Variants in KITLG observed in about 807,000 individuals in gnomAD.
KITLG encodes the protein c-Kit ligand.
Under a neutral mutation model 34.1 loss-of-function variants are expected in KITLG, and 13 were observed. The observed-to-expected ratio is 0.38, with a 90% CI of 0.25 to 0.61. The LOEUF (loss-of-function observed/expected upper bound fraction) is 0.61. Among genes scored for constraint, KITLG ranks in the 20% least tolerant of loss-of-function variants. The pLI, the probability that KITLG is intolerant of heterozygous loss-of-function variation, is 0.60. For synonymous variants in KITLG, 110 were observed against 104.0 expected, an observed-to-expected ratio of 1.06 and a Z score of -0.35; for missense variants, 292 against 318.9, an observed-to-expected ratio of 0.92 and a Z score of 0.64.
chr12:88,555,224 C>T (rs554336377), intron 1 of KITLG, among the ~76,000 whole-genome samples: 6 of 152,090 alleles, frequency 3.9e-5, no homozygotes, highest in Non-Finnish European at 5.9e-5. Flanking sequence ...AATCAGTCCT[C>T]GTTCTACATG....
chr12:88,570,591 G>C (rs574708525), intron 1 of KITLG, among the ~76,000 whole-genome samples: 2 of 151,918 alleles, frequency 1.3e-5, no homozygotes, highest in Non-Finnish European at 2.9e-5. Context: ...ATGCATGCGT[G>C]TCTATATTGG....
intron 1 of KITLG, among the ~76,000 whole-genome samples, chr12:88,559,252 C>T (rs1035566256): frequency 4.6e-5 from 7 of 152,264 alleles, no homozygotes; most frequent in South Asian, 4.1e-4. Flanking sequence ...GATGGGACTT[C>T]GGTTCTGCCA....
chr12:88,501,963 G>T (rs375880484), intron 9 of KITLG, among the ~76,000 whole-genome samples: 4 of 152,230 alleles, frequency 2.6e-5, no homozygotes, highest in African/African-American at 9.6e-5. Context: ...TTTGAAAAGG[G>T]CACAAAATGT....
At chr12:88,520,272 C>T (rs1395256459) in intron 3 of KITLG, among the ~76,000 whole-genome samples, 3 of 152,196 alleles carry the variant, frequency 2.0e-5, no homozygotes, top group Non-Finnish European at 2.9e-5. Context: ...CTACTTGCAT[C>T]ATTATCAGGT....
rs1446979495 is a variant in KITLG at position 88,495,828 on chromosome 12, A to T, written c.*1391T>A. On this transcript the variant is annotated 3_prime_UTR_variant, in exon 10 of 10. Coordinates refer to ENST00000644744, the MANE Select transcript of KITLG (RefSeq NM_000899.5). ...TTTATGTGTACATTCAAGACATGTT[A>T]AAAGAACTTTCATCAAAATAAACCA... is the stretch of plus-strand genomic sequence containing the variant. The T allele has an allele frequency of 6.6e-6, 1 of 152,178 alleles. No homozygotes were observed. Among genetic ancestry groups the T allele is most frequent in the Non-Finnish European group, 1.5e-5 (1 of 68,022 alleles). 9.4% of individuals were successfully genotyped at this position (152,178 alleles called of 1,614,324 possible).
At chr12:88,533,256 A>G (rs1870170324) in intron 2 of KITLG, among the ~76,000 whole-genome samples, 1 of 152,202 alleles carries the variant, frequency 6.6e-6, no homozygotes, top group South Asian at 2.1e-4. Context: ...ATAAGTGAAT[A>G]AGCAATAGGT....
intron 9 of KITLG, among the ~76,000 whole-genome samples, chr12:88,503,556 A>G (rs138486827): frequency 1.7e-3 from 259 of 152,344 alleles, no homozygotes; most frequent in Non-Finnish European, 3.0e-3. Flanking sequence ...ATAACAGCCA[A>G]TTAGCAGAAG....
intron 8 of KITLG, 35 bp downstream of exon 8, chr12:88,506,276 G>A: frequency 7.1e-7 from 1 of 1,416,000 alleles, no homozygotes; most frequent in Non-Finnish European, 1.0e-6. Context: ...GCAATGTCAT[G>A]CTTGATTGGG....
chr12:88,560,693 G>A (rs547260514), intron 1 of KITLG, among the ~76,000 whole-genome samples: 1 of 152,116 alleles, frequency 6.6e-6, no homozygotes, highest in African/African-American at 2.4e-5. Context: ...GTGTTGGCTG[G>A]GCGCTGTGGC....
In KITLG at chr12:88,495,038, G is replaced by A. The variant is rs1199522114; in HGVS notation, c.*2181C>T. ...ATTGGCAATCCATGTAACTTTCAATGGACCAACACATTTAATAAGCAGGAC... is the reference window on the plus strand; with the variant it reads ...ATTGGCAATCCATGTAACTTTCAATAGACCAACACATTTAATAAGCAGGAC... On this transcript the variant is annotated 3_prime_UTR_variant, in exon 10 of 10. Coordinates refer to ENST00000644744, the MANE Select transcript of KITLG (RefSeq NM_000899.5). The A allele has an allele frequency of 6.6e-6, 1 of 151,872 alleles. No homozygotes were observed. Among genetic ancestry groups the A allele is most frequent in the Non-Finnish European group, 1.5e-5 (1 of 67,908 alleles). 9.4% of individuals were successfully genotyped at this position (151,872 alleles called of 1,614,324 possible).
chr12:88,497,962 T>A (rs1230904123), intron 9 of KITLG, among the ~76,000 whole-genome samples: 3 of 152,214 alleles, frequency 2.0e-5, no homozygotes, highest in Non-Finnish European at 4.4e-5. Context: ...GGAAAGTTCG[T>A]TTGGCCTCAG....
chr12:88,504,554 C>T (rs1419695641), intron 9 of KITLG, among the ~76,000 whole-genome samples: 1 of 152,098 alleles, frequency 6.6e-6, no homozygotes, highest in Non-Finnish European at 1.5e-5. Flanking sequence ...AAATCAAAAC[C>T]ACAATGAGAT....
At chr12:88,518,592 T>C (rs1869540992) in intron 4 of KITLG, 105 bp downstream of exon 4, 5 of 884,978 alleles carry the variant, frequency 5.6e-6, no homozygotes, top group Non-Finnish European at 7.3e-6. Flanking sequence ...GTTTATACAA[T>C]CAAAATATCA....
chr12:88,498,676 A>G (rs1340505170), intron 9 of KITLG, among the ~76,000 whole-genome samples: 1 of 152,164 alleles, frequency 6.6e-6, no homozygotes, highest in African/African-American at 2.4e-5. Flanking sequence ...GGAGTTTGAG[A>G]CCAGCCTGGC....
intron 3 of KITLG, among the ~76,000 whole-genome samples, chr12:88,529,928 T>C (rs150074646): frequency 7.9e-5 from 12 of 152,306 alleles, no homozygotes; most frequent in African/African-American, 2.4e-4. Flanking sequence ...CCAGAATCAA[T>C]AGTAGATTTT....
chr12:88,522,734 C>T (rs116665043), intron 3 of KITLG, among the ~76,000 whole-genome samples: 1,821 of 152,150 alleles, frequency 0.012, 44 homozygotes, highest in African/African-American at 0.041. Flanking sequence ...ACCCCACAGA[C>T]AGTCTTTAAG....
chr12:88,565,057 C>T (rs1351827495), intron 1 of KITLG, among the ~76,000 whole-genome samples: 1 of 152,180 alleles, frequency 6.6e-6, no homozygotes, highest in Admixed American at 6.5e-5. Context: ...AACTCCTTAA[C>T]CATATCTGTT....
At chr12:88,532,956 T>C (rs2120880624) in intron 2 of KITLG, among the ~76,000 whole-genome samples, 1 of 152,262 alleles carries the variant, frequency 6.6e-6, no homozygotes, top group Admixed American at 6.5e-5. Context: ...TCTCAGGCCA[T>C]ACCAGAGCTA....
intron 2 of KITLG, among the ~76,000 whole-genome samples, chr12:88,543,284 C>G (rs975910930): frequency 6.6e-6 from 1 of 152,030 alleles, no homozygotes; most frequent in Non-Finnish European, 1.5e-5. Flanking sequence ...CCAACAGGCC[C>G]CAGTGTGTAA....
Sources: allele counts gnomAD v4.1 joint callset (sites outside exome capture counted in the v4.1 genomes callset), GRCh38; gene constraint gnomAD v4.1.1; transcripts MANE v1.5; gene names NCBI Gene and HGNC (gene_info 2026-07-23, HGNC 2026-07-21).